Variants in PTPRK observed in about 807,000 individuals in gnomAD.
PTPRK encodes the protein receptor-type tyrosine-protein phosphatase kappa.
A neutral mutation model predicts 178.0 loss-of-function variants in PTPRK; 75 were observed. The observed-to-expected ratio is 0.42, with a 90% CI of 0.35 to 0.51. The LOEUF (loss-of-function observed/expected upper bound fraction) is 0.51. PTPRK is among the 20% of genes least tolerant of loss of function. PTPRK has a pLI of 0.02. For missense variants in PTPRK, 1,441 were observed against 1,797.8 expected (o/e 0.80, Z 3.59); for synonymous variants, 637 against 620.6 (o/e 1.03, Z -0.39).
At chr6:128,019,781 G>A (rs1010859953) in intron 13 of PTPRK, among the ~76,000 whole-genome samples, 1 of 152,168 alleles carries the variant, frequency 6.6e-6, no homozygotes, top group Non-Finnish European at 1.5e-5. Context: ...TCACCTGATA[G>A]TGAGGACTTC....
chr6:128,179,450 G>T (rs1427829773), intron 7 of PTPRK, among the ~76,000 whole-genome samples: 1 of 151,746 alleles, frequency 6.6e-6, no homozygotes, highest in Non-Finnish European at 1.5e-5. Context: ...CTTTTCCTGT[G>T]GCTTTTTACC....
At chr6:128,226,830 TTCTG>T (rs1018609923) in intron 5 of PTPRK, among the ~76,000 whole-genome samples, 1 of 145,686 alleles carries the variant, frequency 6.9e-6, no homozygotes, top group Non-Finnish European at 1.5e-5. Context: ...CTCCTACTGG[TTCTG>T]CTTTACTTTC....
chr6:128,419,464 A>T (rs1021195090), intron 1 of PTPRK, among the ~76,000 whole-genome samples: 3 of 152,044 alleles, frequency 2.0e-5, no homozygotes, highest in Non-Finnish European at 4.4e-5. Flanking sequence ...TACAAAAAAA[A>T]ATTAGCCGGG....
chr6:128,517,246 C>T (rs1858205852), intron 1 of PTPRK, among the ~76,000 whole-genome samples: 1 of 151,864 alleles, frequency 6.6e-6, no homozygotes, highest in Non-Finnish European at 1.5e-5. Flanking sequence ...AGTGCTAGTT[C>T]CCATAAATTA....
chr6:128,116,042 G>A (rs1791475490), intron 7 of PTPRK, among the ~76,000 whole-genome samples: 1 of 152,002 alleles, frequency 6.6e-6, no homozygotes, highest in South Asian at 2.1e-4. Context: ...GCTTATATGT[G>A]AAAATCACAG....
intron 1 of PTPRK, among the ~76,000 whole-genome samples, chr6:128,420,034 C>G (rs148393350): frequency 6.6e-6 from 1 of 152,142 alleles, no homozygotes; most frequent in South Asian, 2.1e-4. Flanking sequence ...AATAATCATG[C>G]GTAACACTGA....
At chr6:128,328,146 AAGAAT>A (rs1341743772) in intron 2 of PTPRK, among the ~76,000 whole-genome samples, 1 of 152,190 alleles carries the variant, frequency 6.6e-6, no homozygotes, top group Non-Finnish European at 1.5e-5. Flanking sequence ...CAATTCAACC[AAGAAT>A]AGATGATCCT....
chr6:128,399,451 C>T (rs1411754246), intron 1 of PTPRK, among the ~76,000 whole-genome samples: 2 of 152,118 alleles, frequency 1.3e-5, no homozygotes, highest in Non-Finnish European at 2.9e-5. Flanking sequence ...TTAATATTGT[C>T]TTTTAAATAT....
chr6:128,301,367 C>T (rs1430044197), intron 3 of PTPRK, among the ~76,000 whole-genome samples: 1 of 151,736 alleles, frequency 6.6e-6, no homozygotes, highest in Admixed American at 6.6e-5. Context: ...TTTCAATACT[C>T]TCTTTTAAAA....
At chr6:128,204,646 CAACA>C (rs1806588387) in intron 6 of PTPRK, among the ~76,000 whole-genome samples, 1 of 145,206 alleles carries the variant, frequency 6.9e-6, no homozygotes, top group Non-Finnish European at 1.5e-5. Context: ...TATAGGCAGC[CAACA>C]AACATGAAAA....
chr6:128,092,195 C>A, intron 7 of PTPRK, among the ~76,000 whole-genome samples: 1 of 152,070 alleles, frequency 6.6e-6, no homozygotes, highest in East Asian at 1.9e-4. Flanking sequence ...AAAGAAATAG[C>A]TTTCTAAGAA....
At position 128,184,561 on chromosome 6, in the gene PTPRK, C is replaced by A; in HGVS notation, c.1033G>T (p.Ala345Ser). ...GSWTETHAVN[A>S]PTYKLWHLDP... ...AAATGCCATAATTTGTAAGTTGGAG[C>A]ATTGACTGCATGGGTTTCTGTCCAG... Residue 345 changes from alanine (A) to serine (S), a missense_variant, in exon 7 of 30, where the codon GCT (alanine) becomes TCT (serine). Transcript: ENST00000368226. The A allele has an allele frequency of 1.2e-6, 2 of 1,613,928 alleles. No homozygotes were observed. Among genetic ancestry groups the A allele is most frequent in the Non-Finnish European group, 1.7e-6 (2 of 1,179,930 alleles).
chr6:128,301,498 ATAT>A (rs1825601619), intron 3 of PTPRK, among the ~76,000 whole-genome samples: 1 of 152,094 alleles, frequency 6.6e-6, no homozygotes. Flanking sequence ...ACATGCATTA[ATAT>A]TATTAGTTAC....
rs1327780337 is a variant in PTPRK, at chr6:127,969,816, T to A, written c.*411A>T. On this transcript the variant is annotated 3_prime_UTR_variant, in exon 30 of 30. Coordinates refer to ENST00000368226, the MANE Select transcript of PTPRK (RefSeq NM_002844.4). ...TTACTATGAATTTGCACAGCTTTTC[T>A]TTTCTTCTTCCTTTTAAGATTCATC... 2 of 153,094 alleles carry A rather than the reference T, an allele frequency of 1.3e-5. No homozygotes were observed. Among genetic ancestry groups the A allele is most frequent in the African/African-American group, 4.8e-5 (2 of 41,478 alleles). 9.5% of individuals were successfully genotyped at this position (153,094 alleles called of 1,614,324 possible). A position where few individuals can be genotyped will look rare whatever the true frequency, so the allele number is the denominator to read the frequency against.
chr6:128,261,232 G>A (rs1454453170), intron 3 of PTPRK, among the ~76,000 whole-genome samples: 1 of 151,868 alleles, frequency 6.6e-6, no homozygotes, highest in Non-Finnish European at 1.5e-5. Flanking sequence ...ATTTCTTTTG[G>A]TTCATATGAT....
chr6:128,019,525 C>A (rs1420270579), intron 13 of PTPRK, among the ~76,000 whole-genome samples: 2 of 128,460 alleles, frequency 1.6e-5, no homozygotes, highest in Non-Finnish European at 3.2e-5. Flanking sequence ...TGAGAGGAAG[C>A]CTTAGAAGCA....
At chr6:128,498,206 C>T (rs1259124667) in intron 1 of PTPRK, among the ~76,000 whole-genome samples, 1 of 152,180 alleles carries the variant, frequency 6.6e-6, no homozygotes, top group Non-Finnish European at 1.5e-5. Flanking sequence ...CCCATCCAAA[C>T]TACGGACAGT....
intron 11 of PTPRK, among the ~76,000 whole-genome samples, chr6:128,069,984 C>T (rs1303635449): frequency 1.3e-5 from 2 of 152,030 alleles, no homozygotes; most frequent in African/African-American, 2.4e-5. Context: ...TTTGGCCCTA[C>T]TCTCAATTAA....
Position 128,072,333 on chromosome 6 carries a change from G to C in PTPRK, c.1884-4541C>G, listed in dbSNP as rs1034901323. Among the ~76,000 whole-genome samples the C allele has an allele frequency of 2.0e-5, 3 of 152,082 alleles. No individual in the cohort carries two copies. The East Asian group carries it at 5.8e-4, about 29-fold the overall frequency. The stretch of plus-strand genomic sequence containing the variant: ...TTATGTCCCAATAAACCCATTACAA[G>C]TTGAAAATATTGTAAATTGAAATGA... On this transcript the variant is annotated intron_variant, in intron 11 of 29. Coordinates refer to ENST00000368226, the MANE Select transcript of PTPRK (RefSeq NM_002844.4).
Sources: gnomAD v4.1 joint callset for allele counts (sites outside exome capture counted in the v4.1 genomes callset) on GRCh38, gnomAD v4.1.1 for gene constraint, MANE v1.5 for transcripts, NCBI Gene and HGNC (gene_info 2026-07-23, HGNC 2026-07-21) for gene names.